The following CAST variants were observed in gnomAD, a reference collection of about 807,000 sequenced individuals.
The protein encoded by CAST is MIR583 host.
In CAST, 76 loss-of-function variants were observed where a neutral mutation model predicts 119.6. The ratio of observed to expected loss-of-function variants is 0.64; its 90% CI spans 0.53 to 0.77. CAST has a LOEUF of 0.77. Ranked by LOEUF, CAST falls within the 30% of genes least tolerant of loss-of-function variation. The pLI is 0.00. For missense variants in CAST, 953 were observed against 946.5 expected (o/e 1.01, Z -0.09); for synonymous variants, 319 against 331.6 (o/e 0.96, Z 0.41).
the CAST span, among the ~76,000 whole-genome samples, chr5:96,154,299 A>C: frequency 6.6e-6 from 1 of 151,084 alleles, no homozygotes; most frequent in African/African-American, 2.4e-5. Context: ...ACAAAAAAAA[A>C]ACAAAAAAAA....
intron 1 of CAST, among the ~76,000 whole-genome samples, chr5:96,647,884 A>T (rs186558164): frequency 5.4e-4 from 82 of 152,308 alleles, no homozygotes; most frequent in African/African-American, 1.9e-3. Context: ...GCTGTTTGTT[A>T]TATCAGCCTA....
the CAST span, among the ~76,000 whole-genome samples, chr5:96,312,444 C>T: frequency 4.8e-4 from 73 of 152,148 alleles, no homozygotes; most frequent in Middle Eastern, 3.4e-3. Context: ...CTCAAATTAG[C>T]TATTCCTGAA....
chr5:96,374,850 C>T, the CAST span, among the ~76,000 whole-genome samples: 1 of 152,070 alleles, frequency 6.6e-6, no homozygotes, highest in Non-Finnish European at 1.5e-5. Context: ...GGGGTTGTGG[C>T]GCTGGAGTTT....
the CAST span, among the ~76,000 whole-genome samples, chr5:96,068,414 C>T: frequency 1.3e-5 from 2 of 152,062 alleles, no homozygotes; most frequent in Non-Finnish European, 2.9e-5. Context: ...TTTACCCTGA[C>T]TCCTGGTCCC....
intron 1 of CAST, among the ~76,000 whole-genome samples, chr5:96,560,017 A>C (rs1188115945): frequency 1.3e-5 from 2 of 152,178 alleles, no homozygotes; most frequent in Non-Finnish European, 2.9e-5. Context: ...GATATAGACC[A>C]ATGGAACAGA....
chr5:96,635,861 G>A (rs1747877918), intron 1 of CAST, among the ~76,000 whole-genome samples: 1 of 152,088 alleles, frequency 6.6e-6, no homozygotes, highest in African/African-American at 2.4e-5. Flanking sequence ...AAATTTAGAT[G>A]GCTTCTTTCT....
intron 1 of CAST, among the ~76,000 whole-genome samples, chr5:96,649,361 A>G (rs1679264792): frequency 6.6e-6 from 1 of 152,180 alleles, no homozygotes; most frequent in African/African-American, 2.4e-5. Context: ...TTCTTTTAAT[A>G]AGCAGGGTTA....
At chr5:96,506,311 C>A in the CAST span, among the ~76,000 whole-genome samples, 1 of 148,730 alleles carries the variant, frequency 6.7e-6, no homozygotes, top group South Asian at 2.1e-4. Flanking sequence ...TATTGAGCAC[C>A]TACTAATGTT....
At chr5:96,234,019 G>C in the CAST span, among the ~76,000 whole-genome samples, 6 of 152,102 alleles carry the variant, frequency 3.9e-5, no homozygotes, top group Admixed American at 3.9e-4. Flanking sequence ...TAGATCCTTT[G>C]GTTAGAGCAT....
the CAST span, among the ~76,000 whole-genome samples, chr5:96,494,020 C>T: frequency 2.6e-5 from 4 of 152,240 alleles, no homozygotes; most frequent in East Asian, 7.7e-4. Context: ...GGCAGCAGAA[C>T]AAGACTCCGT....
chr5:96,677,817 G>T (rs1322048471), intron 2 of CAST, among the ~76,000 whole-genome samples: 1 of 152,172 alleles, frequency 6.6e-6, no homozygotes, highest in Non-Finnish European at 1.5e-5. Context: ...TGTGAATTGG[G>T]CAGCATTCAA....
chr5:96,756,841 G>A (rs919866416), intron 22 of CAST, among the ~76,000 whole-genome samples: 2 of 152,110 alleles, frequency 1.3e-5, no homozygotes, highest in South Asian at 4.1e-4. Context: ...TCATTTTGTC[G>A]TGTTACTCAA....
chr5:96,347,313 A>G, the CAST span, among the ~76,000 whole-genome samples: 1 of 152,120 alleles, frequency 6.6e-6, no homozygotes. Flanking sequence ...TCTACTCCAG[A>G]TCTCTTTGTT....
the CAST span, among the ~76,000 whole-genome samples, chr5:96,035,183 A>G: frequency 2.3e-5 from 3 of 132,902 alleles, no homozygotes. Flanking sequence ...TGAAGTATAT[A>G]TATAAAATAA....
the CAST span, among the ~76,000 whole-genome samples, chr5:96,057,120 A>G: frequency 1.3e-5 from 2 of 152,162 alleles, no homozygotes; most frequent in Non-Finnish European, 2.9e-5. Flanking sequence ...ATTAGTTTCA[A>G]CTCAGCATTT....
At chr5:96,364,432 G>A in the CAST span, among the ~76,000 whole-genome samples, 46 of 152,058 alleles carry the variant, frequency 3.0e-4, no homozygotes, top group Non-Finnish European at 5.9e-4. Flanking sequence ...TGTAGAATTC[G>A]GCTGTGAATC....
the CAST span, among the ~76,000 whole-genome samples, chr5:96,103,080 G>A: frequency 2.6e-5 from 4 of 151,956 alleles, no homozygotes; most frequent in African/African-American, 9.7e-5. Flanking sequence ...TCTGTCAAAG[G>A]TGGATACAAA....
At chr5:96,579,504 C>T (rs866997282) in intron 1 of CAST, among the ~76,000 whole-genome samples, 1 of 152,136 alleles carries the variant, frequency 6.6e-6, no homozygotes, top group African/African-American at 2.4e-5. Flanking sequence ...GAGAGACTCT[C>T]TTTTGATGTG....
At chr5:96,419,978 G>A in the CAST span, among the ~76,000 whole-genome samples, 1 of 151,978 alleles carries the variant, frequency 6.6e-6, no homozygotes, top group African/African-American at 2.4e-5. Flanking sequence ...CCAGACCCAG[G>A]ATCTGCCTGG....
Sources: allele counts gnomAD v4.1 joint callset (sites outside exome capture counted in the v4.1 genomes callset), GRCh38; gene constraint gnomAD v4.1.1; transcripts MANE v1.5; gene names NCBI Gene and HGNC (gene_info 2026-07-23, HGNC 2026-07-21).